ADAM23: variants seen among roughly 807,000 people sequenced by gnomAD.
ADAM23 encodes the protein ADAM metallopeptidase domain 23.
In ADAM23, 33 loss-of-function variants were observed where a neutral mutation model predicts 120.1. The observed-to-expected ratio is 0.27, with a 90% CI of 0.21 to 0.37. The LOEUF is 0.37. ADAM23 is among the 10% of genes least tolerant of loss of function. The probability of loss-of-function intolerance (pLI) is 1.00; values close to 1 mark genes in which losing one functional copy is unlikely to be tolerated. For synonymous variants in ADAM23, 367 were observed against 375.2 expected, an observed-to-expected ratio of 0.98 and a Z score of 0.25; for missense variants, 862 against 1,058.2, an observed-to-expected ratio of 0.81 and a Z score of 2.57.
In ADAM23 at chr2:206,494,166, A is replaced by G. The variant is rs563113156; in HGVS notation, c.509+12858A>G. ...TCCTTTTGCAAATTTCAATTATACA[A>G]TACAGTATAATTAATTATAGTCACC... On this transcript the variant is annotated intron_variant, in intron 3 of 25. Coordinates refer to ENST00000264377, the MANE Select transcript of ADAM23 (RefSeq NM_003812.4). Among the ~76,000 whole-genome samples the G allele has an allele frequency of 4.2e-3, 634 of 152,290 alleles. 2 individuals are homozygous for G. The highest frequency in any genetic ancestry group is 5.3e-3 in the Non-Finnish European group (359 of 68,018).
chr2:206,520,862 A>C (rs1696829079), intron 3 of ADAM23, among the ~76,000 whole-genome samples: 1 of 152,044 alleles, frequency 6.6e-6, no homozygotes, highest in Admixed American at 6.6e-5. Context: ...CCTGTGGATC[A>C]CTGTTTCTAA....
intron 3 of ADAM23, among the ~76,000 whole-genome samples, chr2:206,489,242 T>A (rs980285003): frequency 1.3e-5 from 2 of 152,210 alleles, no homozygotes; most frequent in African/African-American, 4.8e-5. Flanking sequence ...TTGTGATTCC[T>A]GAATCCAGAT....
intron 2 of ADAM23, among the ~76,000 whole-genome samples, chr2:206,460,174 T>C (rs1695386432): frequency 6.6e-6 from 1 of 152,154 alleles, no homozygotes; most frequent in Admixed American, 6.5e-5. Context: ...CTGTTAGTTG[T>C]TATAGTTGGT....
intron 4 of ADAM23, among the ~76,000 whole-genome samples, chr2:206,536,318 T>C (rs534715636): frequency 6.6e-6 from 1 of 152,230 alleles, no homozygotes; most frequent in African/African-American, 2.4e-5. Flanking sequence ...GTCGAATATG[T>C]ATTTATGTTG....
At chr2:206,488,191 A>T (rs1381916017) in intron 3 of ADAM23, among the ~76,000 whole-genome samples, 1 of 152,242 alleles carries the variant, frequency 6.6e-6, no homozygotes, top group Non-Finnish European at 1.5e-5. Context: ...TTCTTCATTC[A>T]GTCAACAAAC....
intron 2 of ADAM23, among the ~76,000 whole-genome samples, chr2:206,449,158 C>G (rs759750445): frequency 3.9e-5 from 6 of 152,112 alleles, no homozygotes; most frequent in Non-Finnish European, 7.4e-5. Flanking sequence ...CCCTCCCATA[C>G]GTCAGATGTC....
chr2:206,603,169 A>G (rs1358260138), intron 24 of ADAM23, among the ~76,000 whole-genome samples: 1 of 151,810 alleles, frequency 6.6e-6, no homozygotes, highest in Non-Finnish European at 1.5e-5. Flanking sequence ...TACAGAATAG[A>G]TAAATTAGTG....
In ADAM23 at chr2:206,571,826, C is replaced by G. The variant is rs533895312; in HGVS notation, c.1656+10C>G. The stretch of plus-strand genomic sequence containing the variant: ...CAATACCTCATGTCTTGTGAGTTTT[C>G]TGACAGTTTCATCTTTCTTTTAATT... On this transcript the variant is annotated intron_variant, in intron 17 of 25. Coordinates refer to ENST00000264377, the MANE Select transcript of ADAM23 (RefSeq NM_003812.4). 18 of 1,610,208 alleles carry G rather than the reference C, an allele frequency of 1.1e-5. No individual in the cohort carries two copies. In the African/African-American group the frequency reaches 1.2e-4, roughly 11 times the overall value.
At chr2:206,542,514 C>T (rs1033251281) in intron 5 of ADAM23, among the ~76,000 whole-genome samples, 2 of 152,066 alleles carry the variant, frequency 1.3e-5, no homozygotes, top group South Asian at 2.1e-4. Context: ...TTAGACCTAA[C>T]AGTAAGTTGG....
chr2:206,445,577 G>A, intron 2 of ADAM23, 53 bp downstream of exon 2: 2 of 1,470,498 alleles, frequency 1.4e-6, no homozygotes, highest in Non-Finnish European at 1.8e-6. Flanking sequence ...GTTTTCCTTT[G>A]ATTTGATTTT....
At chr2:206,568,000 A>G (rs967653933) in intron 15 of ADAM23, among the ~76,000 whole-genome samples, 2 of 152,198 alleles carry the variant, frequency 1.3e-5, no homozygotes, top group Non-Finnish European at 1.5e-5. Context: ...AACCGCCCCC[A>G]TGATTCAGTC....
chr2:206,499,196 C>T (rs934712810), intron 3 of ADAM23, among the ~76,000 whole-genome samples: 17 of 151,868 alleles, frequency 1.1e-4, no homozygotes, highest in African/African-American at 3.6e-4. Flanking sequence ...CACATGCACA[C>T]GTATGTTTAT....
At chr2:206,477,911 TATATATATATAA>T (rs1273852462) in intron 2 of ADAM23, among the ~76,000 whole-genome samples, 18 of 118,514 alleles carry the variant, frequency 1.5e-4, no homozygotes, top group African/African-American at 5.3e-4. Context: ...TATATATATA[TATATATATATAA>T]AACAACAATG....
intron 24 of ADAM23, among the ~76,000 whole-genome samples, chr2:206,598,652 A>G (rs1698575858): frequency 6.6e-6 from 1 of 152,180 alleles, no homozygotes; most frequent in Non-Finnish European, 1.5e-5. Flanking sequence ...TAATCCCAAG[A>G]CTTTGGGAGG....
intron 18 of ADAM23, among the ~76,000 whole-genome samples, chr2:206,584,391 G>C (rs1698280710): frequency 1.3e-5 from 2 of 152,190 alleles, no homozygotes; most frequent in South Asian, 2.1e-4. Flanking sequence ...TGTGGAGAGG[G>C]ACCGGTAGTG....
intron 2 of ADAM23, among the ~76,000 whole-genome samples, chr2:206,481,026 G>T (rs1001945194): frequency 6.6e-6 from 1 of 152,106 alleles, no homozygotes; most frequent in South Asian, 2.1e-4. Context: ...TGTCTTATTA[G>T]CTCTTTGCTA....
chr2:206,462,470 T>C (rs752044231), intron 2 of ADAM23, among the ~76,000 whole-genome samples: 6 of 152,240 alleles, frequency 3.9e-5, no homozygotes, highest in Non-Finnish European at 8.8e-5. Flanking sequence ...CACACTATGG[T>C]GTTCTTCCCC....
intron 24 of ADAM23, among the ~76,000 whole-genome samples, chr2:206,597,979 T>C (rs1291306269): frequency 6.6e-6 from 1 of 152,236 alleles, no homozygotes; most frequent in East Asian, 1.9e-4. Context: ...GCCCATGATA[T>C]TAAAATTCTG....
chr2:206,501,806 A>G (rs189102950), intron 3 of ADAM23, among the ~76,000 whole-genome samples: 33 of 152,262 alleles, frequency 2.2e-4, no homozygotes, highest in Non-Finnish European at 4.0e-4. Context: ...TGAAGTTAAT[A>G]CTGTCTGTTA....
Sources: gnomAD v4.1 joint callset for allele counts (sites outside exome capture counted in the v4.1 genomes callset) on GRCh38, gnomAD v4.1.1 for gene constraint, MANE v1.5 for transcripts, NCBI Gene and HGNC (gene_info 2026-07-23, HGNC 2026-07-21) for gene names.